MGAT4C: variants seen among roughly 807,000 people sequenced by gnomAD.
MGAT4C encodes MGAT4 family member C.
MGAT4C carries 19 observed loss-of-function variants against 40.1 expected under a neutral mutation model. That is an observed-to-expected ratio of 0.47 (90% CI 0.33 to 0.70). MGAT4C has a LOEUF of 0.70. Among genes scored for constraint, MGAT4C ranks in the 30% least tolerant of loss-of-function variants. MGAT4C has a pLI of 0.02. For synonymous variants in MGAT4C, 181 were observed against 187.1 expected, an observed-to-expected ratio of 0.97 and a Z score of 0.27; for missense variants, 491 against 563.2, an observed-to-expected ratio of 0.87 and a Z score of 1.30.
chr12:86,269,655 A>G (rs970355870), intron 4 of MGAT4C, among the ~76,000 whole-genome samples: 2 of 152,040 alleles, frequency 1.3e-5, no homozygotes, highest in Non-Finnish European at 1.5e-5. Context: ...TGCCTCAAAA[A>G]TGGCAATATC....
chr12:86,454,420 T>A (rs2136289892), intron 2 of MGAT4C, among the ~76,000 whole-genome samples: 1 of 151,934 alleles, frequency 6.6e-6, no homozygotes, highest in African/African-American at 2.4e-5. Flanking sequence ...TAGAGATGGG[T>A]TTTGCCATGT....
At chr12:86,795,578 A>G (rs945815049) in intron 1 of MGAT4C, among the ~76,000 whole-genome samples, 1 of 151,802 alleles carries the variant, frequency 6.6e-6, no homozygotes, top group Middle Eastern at 3.2e-3. Context: ...ATTTGGAAAT[A>G]TAGGACATGA....
intron 1 of MGAT4C, among the ~76,000 whole-genome samples, chr12:86,151,391 T>A (rs558681663): frequency 5.5e-4 from 84 of 152,038 alleles, no homozygotes; most frequent in African/African-American, 2.0e-3. Context: ...GGCGGGTGGA[T>A]CACGACGTCA....
intron 1 of MGAT4C, among the ~76,000 whole-genome samples, chr12:86,128,498 T>C (rs919184865): frequency 2.0e-5 from 3 of 152,184 alleles, no homozygotes; most frequent in Non-Finnish European, 4.4e-5. Flanking sequence ...CTGCCATGAT[T>C]CTGAGGACTC....
intron 2 of MGAT4C, among the ~76,000 whole-genome samples, chr12:86,570,422 A>T (rs1295888949): frequency 6.6e-6 from 1 of 152,088 alleles, no homozygotes; most frequent in Non-Finnish European, 1.5e-5. Flanking sequence ...GACTTGTTCA[A>T]ATGTACTATT....
Position 86,037,859 on chromosome 12 carries a change from A to G in MGAT4C, c.-7+11815T>C, listed in dbSNP as rs1453677028. Among the ~76,000 whole-genome samples, 3 of 149,460 alleles carry G rather than the reference A, an allele frequency of 2.0e-5. 1 individual carries two copies. The highest frequency in any genetic ancestry group is 7.3e-5 in the African/African-American group (3 of 41,138). ...CTGGATATCCTTGTGAATTTTCTGT[A>G]TTGTTGATCTGTCTAATATTGTCAG... On this transcript the variant is annotated intron_variant, in intron 2 of 4. Transcript: ENST00000611864.
At chr12:86,526,870 T>G (rs749612438) in intron 2 of MGAT4C, among the ~76,000 whole-genome samples, 33 of 152,172 alleles carry the variant, frequency 2.2e-4, no homozygotes, top group Non-Finnish European at 4.0e-4. Flanking sequence ...TGCAGGGGTC[T>G]CCTCCTGCTG....
chr12:86,663,381 AAT>A (rs936811403), intron 2 of MGAT4C, among the ~76,000 whole-genome samples: 7 of 150,664 alleles, frequency 4.6e-5, no homozygotes, highest in Non-Finnish European at 7.4e-5. Context: ...AAAAAGAGGA[AAT>A]AAAGAAAGAA....
At chr12:86,301,646 T>A (rs1206737144) in intron 4 of MGAT4C, among the ~76,000 whole-genome samples, 1 of 152,208 alleles carries the variant, frequency 6.6e-6, no homozygotes, top group African/African-American at 2.4e-5. Context: ...ATCTGACCTC[T>A]GCATATGGAT....
chr12:86,122,385 T>C (rs1215858766), intron 1 of MGAT4C, among the ~76,000 whole-genome samples: 1 of 152,146 alleles, frequency 6.6e-6, no homozygotes, highest in Non-Finnish European at 1.5e-5. Context: ...GTCTTCTATA[T>C]TCTAAAGTAT....
chr12:86,412,526 G>T lies in MGAT4C; in HGVS notation c.-120+22631C>A, dbSNP rs1302731558. Among the ~76,000 whole-genome samples the T allele has an allele frequency of 9.2e-5, 14 of 152,186 alleles. 1 individual carries two copies. Among genetic ancestry groups the T allele is most frequent in the Admixed American group, 8.5e-4 (13 of 15,270 alleles). On this transcript the variant is annotated intron_variant, in intron 3 of 7. Transcript: ENST00000548651. ...CAGGGCCTGTAGCCCCTTTGTTTTG[G>T]CTGATTTTTCTTTTTTGGAATGGGA...
intron 4 of MGAT4C, among the ~76,000 whole-genome samples, chr12:86,278,197 A>G (rs200713396): frequency 2.6e-4 from 4 of 15,106 alleles, no homozygotes; most frequent in African/African-American, 6.2e-4. Flanking sequence ...TTTTTTTTTT[A>G]AGATGGAGTT....
chr12:86,012,753 A>AAACAAC (rs552362981), intron 2 of MGAT4C, among the ~76,000 whole-genome samples: 2,232 of 109,632 alleles, frequency 0.02, 54 homozygotes, highest in Non-Finnish European at 0.025. Context: ...ACTCCGTCTC[A>AAACAAC]AACAACAACA....
At position 85,962,861 on chromosome 12, in the gene MGAT4C, T is replaced by TTAAG. The variant is rs1041294030; in HGVS notation, c.*16424_*16427dup. 6 of 151,654 alleles carry TTAAG rather than the reference T, an allele frequency of 4.0e-5. No homozygotes were observed. The highest frequency in any genetic ancestry group is 1.2e-4 in the African/African-American group (5 of 41,420). The allele number at this position is 151,654 out of a possible 1,614,324, so 9.4% of individuals were successfully genotyped here. ...GACTGTTGTGTAATTGACTGAATAG[T>TTAAG]TAAGTCTAAATGGGTAAATAGCTGT... On this transcript the variant is annotated 3_prime_UTR_variant, in exon 5 of 5. Transcript: ENST00000611864.
chr12:86,217,486 G>A (rs981837207), intron 1 of MGAT4C, among the ~76,000 whole-genome samples: 1 of 152,082 alleles, frequency 6.6e-6, no homozygotes, highest in Non-Finnish European at 1.5e-5. Context: ...AAAGATGTCT[G>A]TGACTGTTTG....
At chr12:86,654,262 C>A (rs769953340) in intron 2 of MGAT4C, among the ~76,000 whole-genome samples, 3 of 151,628 alleles carry the variant, frequency 2.0e-5, no homozygotes, top group Non-Finnish European at 4.4e-5. Context: ...AGGGTAAAGT[C>A]TACAAATTAT....
At chr12:86,639,363 A>G (rs1963312485) in intron 2 of MGAT4C, among the ~76,000 whole-genome samples, 1 of 151,740 alleles carries the variant, frequency 6.6e-6, no homozygotes, top group Admixed American at 6.6e-5. Flanking sequence ...TCTATCAATA[A>G]GAGAACTTTG....
intron 2 of MGAT4C, among the ~76,000 whole-genome samples, chr12:86,607,346 AT>A (rs1962077874): frequency 6.6e-6 from 1 of 151,982 alleles, no homozygotes; most frequent in Admixed American, 6.6e-5. Context: ...ATAGTGCTCA[AT>A]GTTAGTACTT....
intron 1 of MGAT4C, among the ~76,000 whole-genome samples, chr12:86,185,420 C>T (rs1301634900): frequency 6.6e-6 from 1 of 152,128 alleles, no homozygotes; most frequent in Non-Finnish European, 1.5e-5. Context: ...AAAATTCTCT[C>T]ATTATTCTGA....
Sources: allele counts gnomAD v4.1 joint callset (sites outside exome capture counted in the v4.1 genomes callset), GRCh38; gene constraint gnomAD v4.1.1; transcripts MANE v1.5; gene names NCBI Gene and HGNC (gene_info 2026-07-23, HGNC 2026-07-21).